Variants in USP12 observed in about 807,000 individuals in gnomAD.
USP12 encodes ubiquitin specific peptidase 12.
USP12 carries 19 observed loss-of-function variants against 45.5 expected under a neutral mutation model. That is an observed-to-expected ratio of 0.42 (90% CI 0.29 to 0.61). USP12 has a LOEUF of 0.61. Ranked by LOEUF, USP12 falls within the 20% of genes least tolerant of loss-of-function variation. The pLI, the probability that USP12 is intolerant of heterozygous loss-of-function variation, is 0.22. For missense variants in USP12, 242 were observed against 447.7 expected, an observed-to-expected ratio of 0.54 and a Z score of 4.15; for synonymous variants, 149 against 148.8, an observed-to-expected ratio of 1.00 and a Z score of -0.01.
intron 6 of USP12, among the ~76,000 whole-genome samples, chr13:27,079,448 A>C (rs1391156532): frequency 6.6e-6 from 1 of 152,174 alleles, no homozygotes; most frequent in Non-Finnish European, 1.5e-5. Context: ...CTTCTCCAGT[A>C]GCCCAAGGGG....
rs2137754558 is a variant in USP12 at position 27,075,355 on chromosome 13, A to C, written c.768T>G (p.Ala256=). Residue 256 remains alanine, a synonymous_variant, in exon 7 of 9, where the codon GCT becomes GCG. Transcript: ENST00000282344. ...TATATTTAAATCTCTTCAGGTGTAG[A>C]GCTAGAATCATGGGCAGTTTTTTAA... ...MKVKKLPMIL[A]LHLKRFKYMD... 1.2e-6 allele frequency: 2 copies of C among 1,613,642 alleles called. No homozygotes were observed. Among genetic ancestry groups the C allele is most frequent in the South Asian group, 2.2e-5 (2 of 90,916 alleles).
intron 1 of USP12, among the ~76,000 whole-genome samples, chr13:27,163,936 C>G (rs914508858): frequency 2.0e-5 from 3 of 152,090 alleles, no homozygotes; most frequent in African/African-American, 7.2e-5. Flanking sequence ...ATAACCCACT[C>G]AAGACACACT....
chr13:27,084,562 T>C (rs1436422679), intron 6 of USP12, among the ~76,000 whole-genome samples: 6 of 151,780 alleles, frequency 4.0e-5, no homozygotes, highest in Non-Finnish European at 7.4e-5. Context: ...AGCTAATTTT[T>C]TGTAGATGAC....
intron 1 of USP12, among the ~76,000 whole-genome samples, chr13:27,140,018 T>C (rs1316255909): frequency 1.3e-5 from 2 of 152,238 alleles, no homozygotes; most frequent in African/African-American, 2.4e-5. Flanking sequence ...CTGCACTCCC[T>C]ACCTGCAAAA....
At chr13:27,157,317 C>T (rs1877884883) in intron 1 of USP12, among the ~76,000 whole-genome samples, 1 of 151,996 alleles carries the variant, frequency 6.6e-6, no homozygotes, top group African/African-American at 2.4e-5. Flanking sequence ...TTGAAATGGA[C>T]CTAAGATCAC....
At chr13:27,166,262 C>A (rs1013839751) in intron 1 of USP12, among the ~76,000 whole-genome samples, 2 of 151,864 alleles carry the variant, frequency 1.3e-5, no homozygotes, top group African/African-American at 4.8e-5. Context: ...AAAAGAGAAA[C>A]CAAAACAAAA....
chr13:27,106,116 G>C (rs999609187), intron 2 of USP12, among the ~76,000 whole-genome samples, 172 bp from the exon 3 acceptor site: 1 of 151,910 alleles, frequency 6.6e-6, no homozygotes, highest in Non-Finnish European at 1.5e-5. Context: ...AAATTCTTTG[G>C]AAATCACAAA....
At position 27,114,764 on chromosome 13, in the gene USP12, ATT is replaced by A. The variant is rs1290407602; in HGVS notation, c.129+1750_129+1751del. ...ATCTGTGGGTATTTTCCTCCTCTCC[ATT>A]TTTAAAAAAAAAAAAAAAACAAACT... On this transcript the variant is annotated intron_variant, in intron 2 of 8. Transcript: ENST00000282344. Among the ~76,000 whole-genome samples the A allele has an allele frequency of 4.5e-3, 586 of 129,160 alleles. 4 individuals are homozygous for A. The highest frequency in any genetic ancestry group is 0.017 in the African/African-American group (536 of 32,034). The allele number at this position is 129,160 out of a possible 152,430, so 84.7% of individuals were successfully genotyped here. A position where few individuals can be genotyped will look rare whatever the true frequency, so the allele number is the denominator to read the frequency against.
intron 6 of USP12, among the ~76,000 whole-genome samples, chr13:27,085,479 C>A (rs575901170): frequency 1.3e-5 from 2 of 152,108 alleles, no homozygotes; most frequent in East Asian, 3.9e-4. Flanking sequence ...CCGCATCTGG[C>A]CGTCAAATTG....
In USP12 at chr13:27,171,641, C is replaced by T. The variant is rs769350596; in HGVS notation, c.-2G>A. On this transcript the variant is annotated 5_prime_UTR_variant, in exon 1 of 9. Transcript: ENST00000282344. Reference sequence around the variant, plus strand: ...GGAGACTGTCATTAGGATTTCCATCCGGCCAGCGCCATCTTCCACCCAATC... The same window carrying T: ...GGAGACTGTCATTAGGATTTCCATCTGGCCAGCGCCATCTTCCACCCAATC... 2 of 1,281,704 alleles carry T rather than the reference C, an allele frequency of 1.6e-6. No individual in the cohort carries two copies. The highest frequency in any genetic ancestry group is 2.0e-6 in the Non-Finnish European group (2 of 981,730). 79.4% of individuals were successfully genotyped at this position (1,281,704 alleles called of 1,614,324 possible).
At chr13:27,079,470 A>G (rs996731172) in intron 6 of USP12, among the ~76,000 whole-genome samples, 4 of 152,172 alleles carry the variant, frequency 2.6e-5, no homozygotes, top group Non-Finnish European at 5.9e-5. Context: ...AGTCCTTCCC[A>G]GAGCCATCAG....
At chr13:27,119,385 G>A in intron 1 of USP12, among the ~76,000 whole-genome samples, 1 of 152,170 alleles carries the variant, frequency 6.6e-6, no homozygotes, top group East Asian at 1.9e-4. Context: ...GAAGTCTGAG[G>A]ACAGCAGGCC....
intron 6 of USP12, among the ~76,000 whole-genome samples, chr13:27,082,114 C>T (rs893324212): frequency 2.0e-5 from 3 of 152,148 alleles, no homozygotes; most frequent in Admixed American, 6.5e-5. Flanking sequence ...TGAAGCTGGG[C>T]GCTCACTTCT....
chr13:27,157,248 T>C (rs764246482), intron 1 of USP12, among the ~76,000 whole-genome samples: 2 of 152,250 alleles, frequency 1.3e-5, no homozygotes, highest in Non-Finnish European at 2.9e-5. Flanking sequence ...AAACCACTTC[T>C]GATCCCTTTT....
At chr13:27,169,858 C>A (rs1878506904) in intron 1 of USP12, among the ~76,000 whole-genome samples, 1 of 151,410 alleles carries the variant, frequency 6.6e-6, no homozygotes, top group Non-Finnish European at 1.5e-5. Context: ...GCCTCTAGCA[C>A]TTAGTGGCTG....
intron 3 of USP12, among the ~76,000 whole-genome samples, chr13:27,098,100 C>A (rs1329817889): frequency 1.3e-5 from 2 of 151,376 alleles, no homozygotes; most frequent in Non-Finnish European, 2.9e-5. Context: ...TACACTGAAC[C>A]ATCAGAAAGT....
At chr13:27,114,071 AAAAC>A (rs1382821503) in intron 2 of USP12, among the ~76,000 whole-genome samples, 1 of 152,188 alleles carries the variant, frequency 6.6e-6, no homozygotes, top group Non-Finnish European at 1.5e-5. Context: ...TGTTATTTTT[AAAAC>A]AAACAACCTA....
At position 27,103,605 on chromosome 13, in the gene USP12, A is replaced by AAAAAAAAT. The variant is rs1555234507; in HGVS notation, c.343+2125_343+2126insATTTTTTT. Among the ~76,000 whole-genome samples, 9 of 69,620 alleles carry AAAAAAAAT rather than the reference A, an allele frequency of 1.3e-4. No individual in the cohort carries two copies. The South Asian group carries it at 2.4e-3, about 19-fold the overall frequency. The allele number at this position is 69,620 out of a possible 152,430, so 45.7% of individuals were successfully genotyped here. A position where few individuals can be genotyped will look rare whatever the true frequency, so the allele number is the denominator to read the frequency against. ...TAGTAACTATTGAACTATCAAAAAA[A>AAAAAAAAT]AAAATAATAATAATAATAATAATAA... On this transcript the variant is annotated intron_variant, in intron 3 of 8. Coordinates refer to ENST00000282344, the MANE Select transcript of USP12 (RefSeq NM_182488.4).
chr13:27,078,495 A>C (rs1319670318), intron 6 of USP12, among the ~76,000 whole-genome samples: 1 of 152,004 alleles, frequency 6.6e-6, no homozygotes, highest in Non-Finnish European at 1.5e-5. Context: ...TTGTATTCTA[A>C]CATAACAGGG....
Sources: allele counts gnomAD v4.1 joint callset (sites outside exome capture counted in the v4.1 genomes callset), GRCh38; gene constraint gnomAD v4.1.1; transcripts MANE v1.5; gene names NCBI Gene and HGNC (gene_info 2026-07-23, HGNC 2026-07-21).